PCM1: variants seen among roughly 807,000 people sequenced by gnomAD.
PCM1 encodes pericentriolar material 1.
Under a neutral mutation model 241.9 loss-of-function variants are expected in PCM1, and 157 were observed. That is an observed-to-expected ratio of 0.65 (90% CI 0.57 to 0.74). The LOEUF (loss-of-function observed/expected upper bound fraction) is 0.74, where lower values mean the gene tolerates loss of function less well. Among genes scored for constraint, PCM1 ranks in the 30% least tolerant of loss-of-function variants. The pLI, the probability that PCM1 is intolerant of heterozygous loss-of-function variation, is 0.00. For synonymous variants in PCM1, 1,085 were observed against 784.9 expected (o/e 1.38, Z -6.39); for missense variants, 3,478 against 2,360.1 (o/e 1.47, Z -9.81).
chr8:18,010,286 T>TTCCTGACCCTCTTTTATGAGAAGGAAA (rs1268750545), intron 31 of PCM1, among the ~76,000 whole-genome samples: 10 of 152,312 alleles, frequency 6.6e-5, no homozygotes, highest in Admixed American at 5.2e-4. Flanking sequence ...GTGTACCCTT[T>TTCCTGACCCTCTTTTATGAGAAGGAAA]TCCTGACCCT....
Position 18,027,788 on chromosome 8 carries a change from T to C in PCM1, c.*126T>C, listed in dbSNP as rs1055378858. ...TTTGACACTGCTTTTTTGATAGGTG[T>C]GGTCATTTCTCCCCATGGTAGTTTA... On this transcript the variant is annotated 3_prime_UTR_variant, in exon 39 of 39. Transcript: ENST00000325083. 3.6e-6 allele frequency: 2 copies of C among 561,994 alleles called. No individual in the cohort carries two copies. The highest frequency in any genetic ancestry group is 3.8e-5 in the African/African-American group (2 of 52,418). 34.8% of individuals were successfully genotyped at this position (561,994 alleles called of 1,614,324 possible). A position where few individuals can be genotyped will look rare whatever the true frequency, so the allele number is the denominator to read the frequency against.
Position 17,950,609 on chromosome 8 carries a change from T to A in PCM1, c.962-6T>A, listed in dbSNP as rs2065673221. On this transcript the variant is annotated splice_region_variant and splice_polypyrimidine_tract_variant and intron_variant, in intron 7 of 38. Transcript: ENST00000325083. ...CATTAATCAGTAGTTACTAATTTCTTTCCAGTTGTTGCAGAAACTGCAGGT... is the reference window on the plus strand; with the variant it reads ...CATTAATCAGTAGTTACTAATTTCTATCCAGTTGTTGCAGAAACTGCAGGT... The A allele has an allele frequency of 6.7e-7, 1 of 1,488,126 alleles. No homozygotes were observed. Among genetic ancestry groups the A allele is most frequent in the African/African-American group, 1.4e-5 (1 of 72,548 alleles). 92.2% of individuals were successfully genotyped at this position (1,488,126 alleles called of 1,614,324 possible). A position where few individuals can be genotyped will look rare whatever the true frequency, so the allele number is the denominator to read the frequency against.
rs1021301599 is a variant in PCM1, at chr8:17,985,689, C to T, written c.4281+70C>T. On this transcript the variant is annotated intron_variant, in intron 25 of 38. Transcript: ENST00000325083. ...CTTCATGATTATCTCTGGTTGCTGTCTTAGACTGAAGCATGTGCCATATGA... is the reference window on the plus strand; with the variant it reads ...CTTCATGATTATCTCTGGTTGCTGTTTTAGACTGAAGCATGTGCCATATGA... The T allele has an allele frequency of 2.2e-5, 26 of 1,202,086 alleles. No individual in the cohort carries two copies. In the Admixed American group the frequency reaches 3.6e-4, roughly 17 times the overall value. The allele number at this position is 1,202,086 out of a possible 1,614,324, so 74.5% of individuals were successfully genotyped here.
At chr8:17,927,985 A>G (rs1016554918) in intron 2 of PCM1, 8 of 151,964 alleles carry the variant, frequency 5.3e-5, no homozygotes, top group African/African-American at 1.9e-4. Flanking sequence ...AGCTAAATGA[A>G]ACTTGAAAGT....
intron 2 of PCM1, chr8:17,927,148 A>G (rs1008691954): frequency 2.4e-5 from 3 of 125,726 alleles, no homozygotes; most frequent in Non-Finnish European, 5.0e-5. Context: ...TTTTTTGGAG[A>G]CAGAGTCTTG....
intron 2 of PCM1, 24 bp from the exon 3 acceptor site, chr8:17,935,565 C>T: frequency 1.2e-6 from 1 of 812,410 alleles, no homozygotes; most frequent in South Asian, 1.4e-5. Flanking sequence ...TGTTATAAAG[C>T]TCAGTTCTTA....
At chr8:17,937,033 T>A in intron 3 of PCM1, 101 bp from the exon 4 acceptor site, 1 of 879,506 alleles carries the variant, frequency 1.1e-6, no homozygotes, top group Non-Finnish European at 1.7e-6. Context: ...AAATGTCTTG[T>A]CTTTTTTAAT....
chr8:17,991,653 A>C lies in PCM1; in HGVS notation c.4643A>C (p.Glu1548Ala). The C allele has an allele frequency of 6.4e-7, 1 of 1,565,444 alleles. No homozygotes were observed. The highest frequency in any genetic ancestry group is 8.7e-7 in the Non-Finnish European group (1 of 1,154,106). ...ATGAGATGCACCTGCAGGATTATTG[A>C]GGATGGAGATGGTGCTGGTGCAGGT... ...SNMRCTCRII[E>A]DGDGAGAGTT... The change falls in exon 28 of 39, where the codon GAG (glutamate) becomes GCG (alanine). Residue 1548 changes from glutamate (E) to alanine (A), a missense_variant. Transcript: ENST00000325083.
In PCM1 at chr8:17,957,802, C is replaced by G. The variant is rs368727106; in HGVS notation, c.2040+27C>G. On this transcript the variant is annotated intron_variant, in intron 13 of 38. Coordinates refer to ENST00000325083, the MANE Select transcript of PCM1 (RefSeq NM_006197.4). ...TAAATATTGCTTGGTCTTTTAAAAA[C>G]CTATTTGTCAAATAGTACAGTCTTA... 9.4e-6 allele frequency: 14 copies of G among 1,490,836 alleles called. No homozygotes were observed. The African/African-American group carries it at 1.5e-4, about 16-fold the overall frequency. The allele number at this position is 1,490,836 out of a possible 1,614,324, so 92.4% of individuals were successfully genotyped here. A position where few individuals can be genotyped will look rare whatever the true frequency, so the allele number is the denominator to read the frequency against.
chr8:17,976,565 G>GC (rs1377185736), intron 23 of PCM1, among the ~76,000 whole-genome samples: 2 of 152,168 alleles, frequency 1.3e-5, no homozygotes, highest in Non-Finnish European at 2.9e-5. Flanking sequence ...TGATTCCATG[G>GC]CCTTCTGCCA....
At chr8:17,938,680 A>T in intron 4 of PCM1, 60 bp from the exon 5 acceptor site, 3 of 1,360,310 alleles carry the variant, frequency 2.2e-6, no homozygotes, top group Non-Finnish European at 3.1e-6. Flanking sequence ...CATTGGGGTT[A>T]AAACAAAATT....
chr8:18,014,792 T>C lies in PCM1; in HGVS notation c.5793T>C (p.Ser1931=), dbSNP rs752931879. 4 of 1,606,666 alleles carry C rather than the reference T, an allele frequency of 2.5e-6. No individual in the cohort carries two copies. In the Admixed American group the frequency reaches 5.0e-5, roughly 20 times the overall value. The change falls in exon 36 of 39, where the codon TCT becomes TCC. Residue 1931 remains serine, a synonymous_variant. Transcript: ENST00000325083. ...CTGCTCAGGAAACTCCTGAAAGCTC[T>C]CTGGCTGGAAGTCCTGATACTGAAT... ...VKSAQETPES[S]LAGSPDTESP... is the part of the protein sequence containing the mutation.
chr8:17,967,926 G>C (rs2129470146), intron 21 of PCM1, among the ~76,000 whole-genome samples: 1 of 152,212 alleles, frequency 6.6e-6, no homozygotes, highest in Middle Eastern at 3.4e-3. Flanking sequence ...CTAAAGATGA[G>C]TGACACTGAT....
intron 21 of PCM1, 105 bp from the exon 22 acceptor site, chr8:17,969,472 T>G (rs909868024): frequency 1.2e-6 from 1 of 828,356 alleles, no homozygotes; most frequent in Non-Finnish European, 1.9e-6. Context: ...GTTTTTTGTT[T>G]TGGTGGATTT....
In PCM1 at chr8:18,025,800, A is replaced by T. The variant is rs1255682804; in HGVS notation, c.6049+142A>T. 1.9e-5 allele frequency: 11 copies of T among 574,812 alleles called. No individual in the cohort carries two copies. In the East Asian group the frequency reaches 3.4e-4, roughly 18 times the overall value. The allele number at this position is 574,812 out of a possible 1,614,324, so 35.6% of individuals were successfully genotyped here. ...TAGAAAGAAAGTGTAATTCTGTAAG[A>T]ATTTTAGTTCAACTATTTATAAAAC... On this transcript the variant is annotated intron_variant, in intron 38 of 38. Coordinates refer to ENST00000325083, the MANE Select transcript of PCM1 (RefSeq NM_006197.4).
chr8:18,011,303 G>C lies in PCM1; in HGVS notation c.5287G>C (p.Val1763Leu), dbSNP rs764339504. The change falls in exon 33 of 39, where the codon GTA becomes CTA. Residue 1763 changes from valine to leucine, a missense_variant. Coordinates refer to ENST00000325083, the MANE Select transcript of PCM1 (RefSeq NM_006197.4). ...TSEVYDGPKN[V>L]RSDISDQEED... ...TGAGGTGTATGATGGTCCCAAAAAT[G>C]TAAGATCTGATATTTCTGATCAAGA... is the stretch of plus-strand genomic sequence containing the variant. The C allele has an allele frequency of 5.0e-6, 8 of 1,607,662 alleles. No homozygotes were observed. Among genetic ancestry groups the C allele is most frequent in the Non-Finnish European group, 3.4e-6 (4 of 1,177,054 alleles).
intron 36 of PCM1, among the ~76,000 whole-genome samples, chr8:18,019,052 C>G (rs1423408761): frequency 1.3e-5 from 2 of 151,698 alleles, no homozygotes; most frequent in East Asian, 1.9e-4. Context: ...CTAAATGGTT[C>G]ACAGTGTAAT....
At chr8:17,968,421 A>T (rs1036443311) in intron 21 of PCM1, among the ~76,000 whole-genome samples, 1 of 152,162 alleles carries the variant, frequency 6.6e-6, no homozygotes, top group African/African-American at 2.4e-5. Context: ...TTAGCTGGTG[A>T]ACAGAAGGCT....
intron 7 of PCM1, among the ~76,000 whole-genome samples, chr8:17,947,891 A>G (rs208767): frequency 0.53 from 81,101 of 151,930 alleles, 22,775 homozygotes; most frequent in Middle Eastern, 0.64. Context: ...TCTTCGTAAG[A>G]CTCAGAAATT....
Sources: allele counts gnomAD v4.1 joint callset (sites outside exome capture counted in the v4.1 genomes callset), GRCh38; gene constraint gnomAD v4.1.1; transcripts MANE v1.5; gene names NCBI Gene and HGNC (gene_info 2026-07-23, HGNC 2026-07-21).